DACH2: variants seen among roughly 807,000 people sequenced by gnomAD.
DACH2 encodes the protein dachshund homolog 2.
Under a neutral mutation model 35.8 loss-of-function variants are expected in DACH2, and 17 were observed. The ratio of observed to expected loss-of-function variants is 0.48; its 90% confidence interval spans 0.33 to 0.71. DACH2 has a LOEUF of 0.71. DACH2 is among the 30% of genes least tolerant of loss of function. The pLI is 0.02. For missense variants in DACH2, 469 were observed against 472.7 expected, an observed-to-expected ratio of 0.99 and a Z score of 0.07; for synonymous variants, 195 against 177.3, an observed-to-expected ratio of 1.10 and a Z score of -0.79.
At chrX:86,538,524 T>C (rs930943467) in intron 3 of DACH2, among the ~76,000 whole-genome samples, 2 of 112,004 alleles carry the variant, frequency 1.8e-5, no homozygotes, top group Admixed American at 1.9e-4. Flanking sequence ...TGGTAATTTA[T>C]GATGAGCAGA....
chrX:86,149,022 G>A lies in DACH2; in HGVS notation c.402G>A (p.Leu134=), dbSNP rs768295903. 1 of 1,210,094 alleles carries A rather than the reference G, an allele frequency of 8.3e-7. No individual in the cohort carries two copies. The highest frequency in any genetic ancestry group is 1.1e-6 in the Non-Finnish European group (1 of 894,463). The change falls in exon 1 of 12, where the codon CTG becomes CTA. Residue 134 remains leucine (L), a synonymous_variant. Transcript: ENST00000373125. ...AGCAGGTCCGGATCCTCCGCGGGCTGGGGGCCATCCAGCCCGGGGTAAACC... is the reference window on the plus strand; with the variant it reads ...AGCAGGTCCGGATCCTCCGCGGGCTAGGGGCCATCCAGCCCGGGGTAAACC... ...TVEQVRILRG[L]GAIQPGVNRC...
Position 86,739,824 on chromosome X carries a change from C to T in DACH2, c.1182C>T (p.His394=). Residue 394 remains histidine (H), a synonymous_variant, in exon 7 of 12, where the codon CAC becomes CAT. Transcript: ENST00000373125. ...GTCCTGGGAGCCAGACCTCTTCCCA[C>T]ACCAGCAGCAGTGTGTCCAGCTCTC... is the stretch of plus-strand genomic sequence containing the variant. ...NHRPGSQTSS[H]TSSSVSSSPS... is the part of the protein sequence containing the mutation. The T allele has an allele frequency of 8.3e-7, 1 of 1,204,609 alleles. No homozygotes were observed. The highest frequency in any genetic ancestry group is 1.1e-6 in the Non-Finnish European group (1 of 891,592).
At chrX:86,514,853 T>A (rs1343631522) in intron 3 of DACH2, among the ~76,000 whole-genome samples, 1 of 111,444 alleles carries the variant, frequency 9.0e-6, no homozygotes, top group Non-Finnish European at 1.9e-5. Flanking sequence ...AGGAGCCTTA[T>A]GATTAGAGAA....
chrX:86,620,089 A>T (rs760246876), intron 3 of DACH2, among the ~76,000 whole-genome samples: 2 of 112,205 alleles, frequency 1.8e-5, no homozygotes, highest in Non-Finnish European at 3.8e-5. Flanking sequence ...AACTTATTCT[A>T]TTACAAATAT....
intron 6 of DACH2, among the ~76,000 whole-genome samples, chrX:86,727,223 A>G (rs2041480044): frequency 1.8e-5 from 2 of 111,715 alleles, no homozygotes; most frequent in Non-Finnish European, 3.8e-5. Flanking sequence ...AATTAAGAAA[A>G]GTCACAATGG....
chrX:86,517,643 C>A (rs771409692), intron 3 of DACH2, among the ~76,000 whole-genome samples: 19 of 110,770 alleles, frequency 1.7e-4, no homozygotes, highest in African/African-American at 5.6e-4. Flanking sequence ...TGGTCTCAAT[C>A]TCCTGACCTC....
At chrX:86,615,021 A>G (rs1304999277) in intron 3 of DACH2, among the ~76,000 whole-genome samples, 1 of 111,733 alleles carries the variant, frequency 8.9e-6, no homozygotes. Context: ...GAATAGGTCC[A>G]TAAAATGTTA....
chrX:86,408,670 T>C (rs2036563228), intron 2 of DACH2, among the ~76,000 whole-genome samples: 1 of 111,630 alleles, frequency 9.0e-6, no homozygotes, highest in Admixed American at 9.6e-5. Context: ...GGAATAAAAT[T>C]GGAGTAGAAA....
At chrX:86,513,064 G>A (rs2038417550) in intron 2 of DACH2, 1 of 212,804 alleles carries the variant, frequency 4.7e-6, no homozygotes, top group Non-Finnish European at 8.9e-6. Context: ...ACTGGGTAAC[G>A]ATACCTCCGT....
rs181886885 is a variant in DACH2, at chrX:86,702,298, G to C, written c.931+7119G>C. 5.4e-5 allele frequency among the ~76,000 whole-genome samples: 6 copies of C among 110,982 alleles called. No homozygotes were observed. The East Asian group carries it at 1.7e-3, about 32-fold the overall frequency. On this transcript the variant is annotated intron_variant, in intron 5 of 11. Coordinates refer to ENST00000373125, the MANE Select transcript of DACH2 (RefSeq NM_053281.3). ...AAATAGTGTCAAGAGGAAGGTTTAT[G>C]GTGCTAGATGCCTACATTGAAAAGT...
chrX:86,581,940 A>G (rs1206213766), intron 3 of DACH2, among the ~76,000 whole-genome samples: 2 of 111,739 alleles, frequency 1.8e-5, no homozygotes, highest in Non-Finnish European at 3.8e-5. Flanking sequence ...TATGGCACAG[A>G]CTCTAAAATT....
intron 2 of DACH2, among the ~76,000 whole-genome samples, chrX:86,485,750 T>C (rs1339249239): frequency 9.0e-6 from 1 of 111,697 alleles, no homozygotes; most frequent in Non-Finnish European, 1.9e-5. Flanking sequence ...AGTAATGAAT[T>C]ATGCCTACCT....
At chrX:86,639,746 G>C (rs2040322860) in intron 3 of DACH2, among the ~76,000 whole-genome samples, 1 of 111,461 alleles carries the variant, frequency 9.0e-6, no homozygotes, top group Non-Finnish European at 1.9e-5. Context: ...TTGCTACTGG[G>C]GCACCTTAGT....
Position 86,777,167 on chromosome X carries a change from T to A in DACH2, c.1241-35689T>A, listed in dbSNP as rs961349567. ...ACATCCTTGAGGAATCGCCACACTG[T>A]CTTCCACAATGGTTGAACTAGTTTA... On this transcript the variant is annotated intron_variant, in intron 7 of 11. Transcript: ENST00000373125. Among the ~76,000 whole-genome samples the A allele has an allele frequency of 9.9e-5, 11 of 111,261 alleles. No homozygotes were observed. The South Asian group carries it at 1.1e-3, about 12-fold the overall frequency.
intron 5 of DACH2, among the ~76,000 whole-genome samples, chrX:86,713,726 C>G (rs962100560): frequency 2.7e-5 from 3 of 111,490 alleles, no homozygotes; most frequent in African/African-American, 9.8e-5. Flanking sequence ...TTTCCTCCTA[C>G]AAATTTCAGC....
chrX:86,677,145 G>T (rs1037411843), intron 4 of DACH2, among the ~76,000 whole-genome samples: 1 of 112,016 alleles, frequency 8.9e-6, no homozygotes, highest in African/African-American at 3.2e-5. Flanking sequence ...CATATTTTAA[G>T]TTAGTCGCTG....
chrX:86,300,819 C>T (rs942479679), intron 1 of DACH2, among the ~76,000 whole-genome samples: 8 of 111,953 alleles, frequency 7.1e-5, no homozygotes, highest in Admixed American at 6.6e-4. Flanking sequence ...CAGGGTATTG[C>T]ACATGGAAAT....
intron 1 of DACH2, among the ~76,000 whole-genome samples, chrX:86,342,772 T>A (rs1258662937): frequency 9.1e-6 from 1 of 109,314 alleles, no homozygotes; most frequent in Non-Finnish European, 1.9e-5. Flanking sequence ...CCAGCCTGGG[T>A]GATGGAGTGA....
At chrX:86,381,505 A>G (rs2036045747) in intron 2 of DACH2, among the ~76,000 whole-genome samples, 2 of 110,722 alleles carry the variant, frequency 1.8e-5, no homozygotes, top group Admixed American at 9.6e-5. Context: ...ACAGTATGGT[A>G]TAACAGCAAG....
Sources: allele counts gnomAD v4.1 joint callset (sites outside exome capture counted in the v4.1 genomes callset), GRCh38; gene constraint gnomAD v4.1.1; transcripts MANE v1.5; gene names NCBI Gene and HGNC (gene_info 2026-07-23, HGNC 2026-07-21).